The following SYNPR variants were observed in gnomAD, a reference collection of about 807,000 sequenced individuals.
SYNPR encodes the protein synaptoporin.
A neutral mutation model predicts 32.9 loss-of-function variants in SYNPR; 23 were observed. That is an observed-to-expected ratio of 0.70 (90% CI 0.50 to 0.99). The LOEUF is 0.99. Ranked by LOEUF, SYNPR falls within the 50% of genes least tolerant of loss-of-function variation. The probability of loss-of-function intolerance (pLI) is 0.00; values close to 1 mark genes in which losing one functional copy is unlikely to be tolerated. For synonymous variants in SYNPR, 146 were observed against 135.9 expected (o/e 1.07, Z -0.52); for missense variants, 318 against 349.3 (o/e 0.91, Z 0.71).
chr3:63,396,814 A>G, intron 2 of SYNPR, among the ~76,000 whole-genome samples: 1 of 152,244 alleles, frequency 6.6e-6, no homozygotes, highest in East Asian at 1.9e-4. Flanking sequence ...CTTTAAAAAC[A>G]TTAACATTGG....
At chr3:63,514,459 G>C (rs1282639705) in intron 3 of SYNPR, among the ~76,000 whole-genome samples, 1 of 152,136 alleles carries the variant, frequency 6.6e-6, no homozygotes, top group African/African-American at 2.4e-5. Context: ...CCCATCTCTG[G>C]CTTTTGGCTC....
intron 2 of SYNPR, among the ~76,000 whole-genome samples, chr3:63,343,234 T>A (rs2087390849): frequency 6.6e-6 from 1 of 152,152 alleles, no homozygotes; most frequent in South Asian, 2.1e-4. Context: ...GGAAGGCACT[T>A]AGGTACTGTA....
chr3:63,368,319 G>A (rs1025359203), intron 2 of SYNPR, among the ~76,000 whole-genome samples: 3 of 152,192 alleles, frequency 2.0e-5, no homozygotes, highest in Non-Finnish European at 4.4e-5. Context: ...CAGGCTTTGA[G>A]CTGAGTGTCC....
chr3:63,304,875 TA>T (rs1323982805), intron 2 of SYNPR, among the ~76,000 whole-genome samples: 2 of 152,010 alleles, frequency 1.3e-5, no homozygotes, highest in African/African-American at 4.8e-5. Flanking sequence ...CCTGCAAACC[TA>T]AAAGATTTTC....
chr3:63,500,018 A>T (rs1701449321), intron 3 of SYNPR, among the ~76,000 whole-genome samples: 1 of 152,190 alleles, frequency 6.6e-6, no homozygotes, highest in African/African-American at 2.4e-5. Flanking sequence ...AACAAAAAAT[A>T]TGCAACTTGC....
chr3:63,339,925 G>T (rs558226587), intron 2 of SYNPR, among the ~76,000 whole-genome samples: 1 of 152,266 alleles, frequency 6.6e-6, no homozygotes, highest in East Asian at 1.9e-4. Flanking sequence ...CCAAAGTGCT[G>T]GAATTAGAGG....
At chr3:63,441,608 A>C (rs1700177721) in intron 2 of SYNPR, among the ~76,000 whole-genome samples, 1 of 152,108 alleles carries the variant, frequency 6.6e-6, no homozygotes, top group Admixed American at 6.5e-5. Flanking sequence ...AGATGTGTTC[A>C]CTTGCTTAAT....
chr3:63,350,691 G>T (rs925655345), intron 2 of SYNPR, among the ~76,000 whole-genome samples: 1 of 152,206 alleles, frequency 6.6e-6, no homozygotes, highest in Non-Finnish European at 1.5e-5. Context: ...TAGAAAATCA[G>T]CAGTGTGCTA....
At chr3:63,560,654 G>T (rs1434960608) in intron 4 of SYNPR, among the ~76,000 whole-genome samples, 1 of 152,068 alleles carries the variant, frequency 6.6e-6, no homozygotes, top group East Asian at 1.9e-4. Context: ...CGTATGGCTG[G>T]GGAGGCCTCA....
intron 3 of SYNPR, among the ~76,000 whole-genome samples, chr3:63,495,161 T>C (rs1701348534): frequency 6.6e-6 from 1 of 152,224 alleles, no homozygotes; most frequent in Non-Finnish European, 1.5e-5. Context: ...GTAGAATTTC[T>C]CATTTTTCAT....
intron 2 of SYNPR, chr3:63,330,330 T>C (rs2087214166): frequency 6.6e-6 from 1 of 151,618 alleles, no homozygotes; most frequent in Admixed American, 6.6e-5. Flanking sequence ...CAAACTTGCT[T>C]AAGGAAAATA....
intron 2 of SYNPR, among the ~76,000 whole-genome samples, chr3:63,301,043 G>C (rs1425106797): frequency 6.6e-6 from 1 of 152,106 alleles, no homozygotes; most frequent in African/African-American, 2.4e-5. Flanking sequence ...TTGGAAAAGA[G>C]AACTGGATTT....
intron 3 of SYNPR, among the ~76,000 whole-genome samples, chr3:63,494,413 A>ACG (rs1438587922): frequency 7.9e-6 from 1 of 126,228 alleles, no homozygotes; most frequent in Non-Finnish European, 1.6e-5. Flanking sequence ...ATATATATAT[A>ACG]TATACGTATA....
intron 3 of SYNPR, among the ~76,000 whole-genome samples, chr3:63,552,332 A>G (rs1702517503): frequency 6.6e-6 from 1 of 152,172 alleles, no homozygotes; most frequent in African/African-American, 2.4e-5. Context: ...TTACCTTTAA[A>G]TCCATTTCAT....
intron 2 of SYNPR, among the ~76,000 whole-genome samples, chr3:63,296,230 GA>G (rs952078016): frequency 6.6e-6 from 1 of 152,074 alleles, no homozygotes; most frequent in African/African-American, 2.4e-5. Flanking sequence ...CTTTTCTTAA[GA>G]AAAAAGAAAC....
intron 3 of SYNPR, among the ~76,000 whole-genome samples, chr3:63,494,393 T>TTATA (rs60624781): frequency 2.3e-3 from 128 of 54,946 alleles, no homozygotes; most frequent in Admixed American, 3.1e-3. Flanking sequence ...ATGTTAATTC[T>TTATA]TATATATATA....
At chr3:63,383,486 G>A (rs932411380) in intron 2 of SYNPR, among the ~76,000 whole-genome samples, 1 of 152,072 alleles carries the variant, frequency 6.6e-6, no homozygotes, top group African/African-American at 2.4e-5. Flanking sequence ...GGAGGCCAAG[G>A]TGGGCAGATT....
intron 3 of SYNPR, among the ~76,000 whole-genome samples, chr3:63,517,302 A>G (rs1239990161): frequency 6.6e-6 from 1 of 152,084 alleles, no homozygotes; most frequent in Non-Finnish European, 1.5e-5. Context: ...CTTGAGATTC[A>G]TTGTGGCGGC....
chr3:63,445,504 A>T (rs1224518453), intron 2 of SYNPR: 1 of 691,914 alleles, frequency 1.4e-6, no homozygotes, highest in South Asian at 1.5e-5. Context: ...CAATAAAGGG[A>T]TTTTTAAAAT....
Sources: allele counts gnomAD v4.1 joint callset (sites outside exome capture counted in the v4.1 genomes callset), GRCh38; gene constraint gnomAD v4.1.1; transcripts MANE v1.5; gene names NCBI Gene and HGNC (gene_info 2026-07-23, HGNC 2026-07-21).